Variants in CRYBA4 observed in about 807,000 individuals in gnomAD.
CRYBA4 encodes beta-crystallin A4.
CRYBA4 carries 30 observed loss-of-function variants against 31.7 expected under a neutral mutation model. That is an observed-to-expected ratio of 0.95 (90% CI 0.71 to 1.28). The LOEUF (loss-of-function observed/expected upper bound fraction) is 1.28, where lower values mean the gene tolerates loss of function less well. Ranked by LOEUF, CRYBA4 falls within the 50% of genes most tolerant of loss-of-function variation. The pLI, the probability that CRYBA4 is intolerant of heterozygous loss-of-function variation, is 0.00. For synonymous variants in CRYBA4, 102 were observed against 102.3 expected, an observed-to-expected ratio of 1.00 and a Z score of 0.02; for missense variants, 225 against 260.7, an observed-to-expected ratio of 0.86 and a Z score of 0.94.
At chr22:26,622,078 C>A in intron 1 of CRYBA4, 92 bp downstream of exon 1, 2 of 630,086 alleles carry the variant, frequency 3.2e-6, no homozygotes, top group Non-Finnish European at 4.0e-6. Context: ...CTAGGGATGT[C>A]ACTGTGTCAT....
At chr22:26,612,253 A>G in the CRYBA4 span, 5 of 1,091,216 alleles carry the variant, frequency 4.6e-6, no homozygotes, top group South Asian at 5.0e-5. Context: ...TTCATTAAGT[A>G]TCTACATAAA....
the CRYBA4 span, among the ~76,000 whole-genome samples, chr22:26,590,776 A>C: frequency 4.0e-5 from 6 of 151,164 alleles, no homozygotes; most frequent in East Asian, 1.9e-4. Context: ...CTACCCCCCC[A>C]AAAAAAACCC....
At chr22:26,597,525 C>A in the CRYBA4 span, among the ~76,000 whole-genome samples, 1 of 152,168 alleles carries the variant, frequency 6.6e-6, no homozygotes, top group African/African-American at 2.4e-5. Context: ...CCTGGAATAT[C>A]ATCTCCCCTA....
At chr22:26,599,793 G>C in the CRYBA4 span, 1 of 801,112 alleles carries the variant, frequency 1.2e-6, no homozygotes, top group African/African-American at 1.7e-5. Flanking sequence ...TCTCACTTCT[G>C]TCCTGGCTAT....
At chr22:26,603,509 G>A in the CRYBA4 span, among the ~76,000 whole-genome samples, 603 of 151,986 alleles carry the variant, frequency 4.0e-3, 3 homozygotes, top group Non-Finnish European at 6.0e-3. Context: ...CAGCCTGGGC[G>A]ACAGAGCAAG....
chr22:26,615,985 A>G, the CRYBA4 span, among the ~76,000 whole-genome samples: 1 of 152,086 alleles, frequency 6.6e-6, no homozygotes, highest in Non-Finnish European at 1.5e-5. Context: ...AAGGGAGAGT[A>G]AATAGAAAGG....
the CRYBA4 span, among the ~76,000 whole-genome samples, chr22:26,609,586 G>A: frequency 1.3e-5 from 2 of 152,170 alleles, no homozygotes; most frequent in Non-Finnish European, 2.9e-5. Flanking sequence ...GGGTGATGGA[G>A]AACACATGGT....
Position 26,630,522 on chromosome 22 carries a change from T to C in CRYBA4, c.*35T>C. On this transcript the variant is annotated 3_prime_UTR_variant, in exon 6 of 6. Transcript: ENST00000354760. ...CGGCACGGAGGAGCGCATGCGTGCT[T>C]ATCTGCAATGGAGGCGCTCTGGAGG... 6.3e-7 allele frequency: 1 copy of C among 1,591,620 alleles called. No individual in the cohort carries two copies. The highest frequency in any genetic ancestry group is 8.6e-7 in the Non-Finnish European group (1 of 1,166,458).
the CRYBA4 span, among the ~76,000 whole-genome samples, chr22:26,606,015 T>C: frequency 6.6e-6 from 1 of 152,232 alleles, no homozygotes; most frequent in Non-Finnish European, 1.5e-5. Flanking sequence ...TATGAGATTT[T>C]TTTTGCAATT....
chr22:26,597,465 T>C, the CRYBA4 span, among the ~76,000 whole-genome samples: 1 of 152,188 alleles, frequency 6.6e-6, no homozygotes, highest in East Asian at 1.9e-4. Flanking sequence ...CTTTTTATCA[T>C]TTGCACAAAG....
chr22:26,591,927 A>ACACACG, the CRYBA4 span, among the ~76,000 whole-genome samples: 6 of 151,620 alleles, frequency 4.0e-5, no homozygotes, highest in South Asian at 1.3e-3. Context: ...ACACACACAC[A>ACACACG]CAGAAACTAG....
the CRYBA4 span, among the ~76,000 whole-genome samples, chr22:26,616,804 C>T: frequency 1.3e-5 from 2 of 152,218 alleles, no homozygotes; most frequent in Non-Finnish European, 2.9e-5. Flanking sequence ...TCATGATCCC[C>T]TCTGAGCAGC....
At chr22:26,610,888 G>T in the CRYBA4 span, among the ~76,000 whole-genome samples, 41 of 152,290 alleles carry the variant, frequency 2.7e-4, no homozygotes, top group Middle Eastern at 3.4e-3. Flanking sequence ...TGACCTCAAA[G>T]CTCATCTCGG....
chr22:26,612,088 T>C, the CRYBA4 span: 2 of 1,612,954 alleles, frequency 1.2e-6, no homozygotes, highest in African/African-American at 1.3e-5. Context: ...GCGGAGACAA[T>C]GATGCTGCGC....
chr22:26,629,517 G>A (rs139457589), intron 5 of CRYBA4, among the ~76,000 whole-genome samples: 48 of 151,932 alleles, frequency 3.2e-4, no homozygotes, highest in African/African-American at 1.1e-3. Context: ...TGAGGTGGGC[G>A]GATCACCTGA....
intron 4 of CRYBA4, among the ~76,000 whole-genome samples, chr22:26,626,383 G>A (rs1379065606): frequency 2.0e-5 from 3 of 152,160 alleles, no homozygotes; most frequent in Admixed American, 1.3e-4. Context: ...CAGCCTGGGC[G>A]CCAGAGCAAG....
At chr22:26,609,220 CT>C in the CRYBA4 span, among the ~76,000 whole-genome samples, 1 of 152,200 alleles carries the variant, frequency 6.6e-6, no homozygotes, top group Non-Finnish European at 1.5e-5. Flanking sequence ...TCACCATGGG[CT>C]GAGACAGAAT....
chr22:26,618,410 C>G (rs1306926353), upstream of CRYBA4, among the ~76,000 whole-genome samples: 1 of 152,196 alleles, frequency 6.6e-6, no homozygotes, highest in East Asian at 1.9e-4. Flanking sequence ...TAGGTCTCTA[C>G]CCCTAGGGGG....
chr22:26,619,493 C>T (rs1929464733), upstream of CRYBA4, among the ~76,000 whole-genome samples: 1 of 152,168 alleles, frequency 6.6e-6, no homozygotes, highest in Non-Finnish European at 1.5e-5. Context: ...GCAGTCGGCT[C>T]CCCAGTCCCA....
Sources: gnomAD v4.1 joint callset for allele counts (sites outside exome capture counted in the v4.1 genomes callset) on GRCh38, gnomAD v4.1.1 for gene constraint, MANE v1.5 for transcripts, NCBI Gene and HGNC (gene_info 2026-07-23, HGNC 2026-07-21) for gene names.